Variants in ITPR1 observed in about 807,000 individuals in gnomAD.
The protein encoded by ITPR1 is inositol 1,4,5-trisphosphate-gated calcium channel ITPR1.
In ITPR1, 96 loss-of-function variants were observed where a neutral mutation model predicts 318.4. The ratio of observed to expected loss-of-function variants is 0.30; its 90% CI spans 0.26 to 0.36. The LOEUF (loss-of-function observed/expected upper bound fraction) is 0.36, where lower values mean the gene tolerates loss of function less well. Among genes scored for constraint, ITPR1 ranks in the 10% least tolerant of loss-of-function variants. The probability of loss-of-function intolerance (pLI) is 1.00; values close to 1 mark genes in which losing one functional copy is unlikely to be tolerated. For synonymous variants in ITPR1, 1,312 were observed against 1,289.9 expected (o/e 1.02, Z -0.37); for missense variants, 2,440 against 3,460.2 (o/e 0.71, Z 7.40).
At chr3:4,841,055 T>G (rs1415337266) in intron 61 of ITPR1, among the ~76,000 whole-genome samples, 2 of 152,166 alleles carry the variant, frequency 1.3e-5, no homozygotes, top group Non-Finnish European at 2.9e-5. Context: ...TAACACAAGA[T>G]TAGAATAACT....
chr3:4,835,584 G>T (rs1377125335), intron 60 of ITPR1, among the ~76,000 whole-genome samples: 1 of 152,140 alleles, frequency 6.6e-6, no homozygotes, highest in African/African-American at 2.4e-5. Context: ...GTGTGTGGGA[G>T]GGGGCTTGAT....
At chr3:4,665,096 C>G in intron 16 of ITPR1, 42 bp from the exon 17 acceptor site, 1 of 1,608,092 alleles carries the variant, frequency 6.2e-7, no homozygotes, top group Non-Finnish European at 8.5e-7. Flanking sequence ...AGCTTTGAAG[C>G]CCTAAGTGAT....
intron 44 of ITPR1, among the ~76,000 whole-genome samples, chr3:4,755,686 A>T (rs1332574563): frequency 5.3e-5 from 8 of 152,184 alleles, no homozygotes; most frequent in Admixed American, 2.6e-4. Context: ...GATTAATAAG[A>T]GTGAAGGAAG....
chr3:4,752,399 G>C (rs1452617184), intron 44 of ITPR1, among the ~76,000 whole-genome samples: 1 of 152,112 alleles, frequency 6.6e-6, no homozygotes, highest in African/African-American at 2.4e-5. Flanking sequence ...CAGTTAACTC[G>C]ATGGATTAAG....
intron 4 of ITPR1, among the ~76,000 whole-genome samples, chr3:4,588,807 A>G (rs1376509904): frequency 6.6e-6 from 1 of 151,912 alleles, no homozygotes; most frequent in Non-Finnish European, 1.5e-5. Context: ...GGTCTTCCCC[A>G]TCGTGATGTA....
intron 4 of ITPR1, among the ~76,000 whole-genome samples, chr3:4,536,915 G>A (rs2083920441): frequency 6.6e-6 from 1 of 151,968 alleles, no homozygotes; most frequent in Non-Finnish European, 1.5e-5. Context: ...CTTGATTTTG[G>A]ATGATAGCTT....
chr3:4,559,766 A>G (rs536374130), intron 4 of ITPR1, among the ~76,000 whole-genome samples: 1 of 152,354 alleles, frequency 6.6e-6, no homozygotes, highest in South Asian at 2.1e-4. Flanking sequence ...TATAATCCAC[A>G]CAAGGAACCT....
chr3:4,836,778 G>C lies in ITPR1; in HGVS notation c.8033G>C (p.Arg2678Thr), dbSNP rs1259305905. The change falls in exon 61 of 62, where the codon AGA (arginine) becomes ACA (threonine). Residue 2678 changes from arginine to threonine, a missense_variant. Around this residue, in one of 23 missense-constraint regions of ITPR1, gnomAD observed 72 missense variants for 197.7 expected, o/e 0.36. Transcript: ENST00000649015. ...ESYVAEMIKE[R>T]NLDWFPRMRA... ...TTTTTTTAATGTGGATTCTAGGAAA[G>C]AAACCTTGACTGGTTCCCCAGGATG... 4.0e-6 allele frequency: 3 copies of C among 742,750 alleles called. No individual in the cohort carries two copies. Among genetic ancestry groups the C allele is most frequent in the Non-Finnish European group, 5.6e-6 (3 of 538,308 alleles). The allele number at this position is 742,750 out of a possible 1,614,324, so 46.0% of individuals were successfully genotyped here. A position where few individuals can be genotyped will look rare whatever the true frequency, so the allele number is the denominator to read the frequency against.
chr3:4,602,816 C>T (rs1411693973), intron 4 of ITPR1, among the ~76,000 whole-genome samples: 2 of 151,938 alleles, frequency 1.3e-5, no homozygotes, highest in Non-Finnish European at 1.5e-5. Context: ...TTCATAGAGA[C>T]AGACACTAGA....
chr3:4,531,833 G>T (rs2083439771), intron 4 of ITPR1, among the ~76,000 whole-genome samples: 1 of 152,142 alleles, frequency 6.6e-6, no homozygotes, highest in South Asian at 2.1e-4. Context: ...ACCTTTGTGT[G>T]CAGGCAAGCA....
At chr3:4,646,406 A>G (rs1283330596) in intron 10 of ITPR1, among the ~76,000 whole-genome samples, 1 of 152,232 alleles carries the variant, frequency 6.6e-6, no homozygotes, top group Non-Finnish European at 1.5e-5. Context: ...AGGTTACTTC[A>G]TGTAAGAGAA....
intron 4 of ITPR1, among the ~76,000 whole-genome samples, chr3:4,583,329 G>GT (rs1211889647): frequency 2.0e-5 from 3 of 151,926 alleles, no homozygotes; most frequent in Non-Finnish European, 4.4e-5. Flanking sequence ...AAAAGTTAGC[G>GT]TTTTTTCACT....
chr3:4,752,594 T>C (rs2044624114), intron 44 of ITPR1, among the ~76,000 whole-genome samples: 1 of 152,238 alleles, frequency 6.6e-6, no homozygotes. Context: ...TCAGCTGCCA[T>C]GGATGCAAAG....
At chr3:4,664,982 G>C (rs2093915698) in intron 16 of ITPR1, among the ~76,000 whole-genome samples, 156 bp from the exon 17 acceptor site, 1 of 152,216 alleles carries the variant, frequency 6.6e-6, no homozygotes, top group Non-Finnish European at 1.5e-5. Flanking sequence ...CATCTCAGTT[G>C]ATGGGCTGAA....
chr3:4,811,217 A>G, intron 55 of ITPR1, 48 bp from the exon 56 acceptor site: 2 of 1,326,258 alleles, frequency 1.5e-6, no homozygotes, highest in Non-Finnish European at 2.0e-6. Context: ...ATAGTGATGT[A>G]CATCTAACAT....
intron 4 of ITPR1, among the ~76,000 whole-genome samples, chr3:4,560,135 G>A (rs939027619): frequency 7.2e-5 from 11 of 152,160 alleles, no homozygotes; most frequent in African/African-American, 1.7e-4. Context: ...TACTTGGCAC[G>A]TCCATGAATT....
intron 4 of ITPR1, among the ~76,000 whole-genome samples, chr3:4,586,572 C>A (rs560218580): frequency 6.8e-6 from 1 of 147,800 alleles, no homozygotes; most frequent in African/African-American, 2.5e-5. Flanking sequence ...TGTAGTGGCA[C>A]GATCATGGCT....
intron 6 of ITPR1, among the ~76,000 whole-genome samples, chr3:4,641,356 C>G (rs2093334126): frequency 6.6e-6 from 1 of 152,140 alleles, no homozygotes; most frequent in Admixed American, 6.5e-5. Context: ...AATGACAATC[C>G]CCTAAAGGGG....
In ITPR1 at chr3:4,794,282, C is replaced by T. The variant is rs78125894; in HGVS notation, c.6809-783C>T. 7.6e-3 allele frequency among the ~76,000 whole-genome samples: 1,151 copies of T among 152,302 alleles called. 3 individuals carry two copies. The highest frequency in any genetic ancestry group is 0.012 in the Non-Finnish European group (837 of 68,028). On this transcript the variant is annotated intron_variant, in intron 52 of 61. Coordinates refer to ENST00000649015, the MANE Select transcript of ITPR1 (RefSeq NM_001378452.1). ...AGAATGCCCGGCCAGCGTGGGATAA[C>T]CTGTGGGCAGCGGTGGATTAAGGTG...
Sources: gnomAD v4.1 joint callset for allele counts (sites outside exome capture counted in the v4.1 genomes callset) on GRCh38, gnomAD v4.1.1 for gene constraint, gnomAD v4.1.1 regional missense constraint, MANE v1.5 for transcripts, NCBI Gene and HGNC (gene_info 2026-07-23, HGNC 2026-07-21) for gene names.